Variants in ARFGEF3 observed in about 807,000 individuals in gnomAD.
ARFGEF3 encodes the protein brefeldin A-inhibited guanine nucleotide-exchange protein 3.
Under a neutral mutation model 221.7 loss-of-function variants are expected in ARFGEF3, and 96 were observed. That is an observed-to-expected ratio of 0.43 (90% CI 0.37 to 0.51). The LOEUF is 0.51. Among genes scored for constraint, ARFGEF3 ranks in the 20% least tolerant of loss-of-function variants. ARFGEF3 has a pLI of 0.00. For missense variants in ARFGEF3, 2,410 were observed against 2,789.9 expected, an observed-to-expected ratio of 0.86 and a Z score of 3.07; for synonymous variants, 1,145 against 1,126.8, an observed-to-expected ratio of 1.02 and a Z score of -0.32.
intron 12 of ARFGEF3, among the ~76,000 whole-genome samples, chr6:138,265,703 G>A (rs17067320): frequency 0.057 from 8,685 of 152,074 alleles, 826 homozygotes; most frequent in African/African-American, 0.19. Flanking sequence ...TAGAGAAGCC[G>A]AATTGTGCTA....
chr6:138,320,695 C>T (rs1024935491), intron 28 of ARFGEF3, among the ~76,000 whole-genome samples: 8 of 152,126 alleles, frequency 5.3e-5, no homozygotes, highest in Non-Finnish European at 8.8e-5. Context: ...ACAATTTACC[C>T]TGCCAAAAAA....
intron 4 of ARFGEF3, among the ~76,000 whole-genome samples, chr6:138,212,319 G>A (rs947742059): frequency 1.3e-5 from 2 of 152,216 alleles, no homozygotes; most frequent in Non-Finnish European, 2.9e-5. Flanking sequence ...CTTGAGCCCA[G>A]AAGTTTGAGA....
rs1052450623 is a variant in ARFGEF3 at position 138,342,426 on chromosome 6, A to G, written c.*5940A>G. 6.6e-6 allele frequency: 1 copy of G among 152,220 alleles called. No individual in the cohort carries two copies. The highest frequency in any genetic ancestry group is 1.5e-5 in the Non-Finnish European group (1 of 68,028). 9.4% of individuals were successfully genotyped at this position (152,220 alleles called of 1,614,324 possible). On this transcript the variant is annotated 3_prime_UTR_variant, in exon 34 of 34. Coordinates refer to ENST00000251691, the MANE Select transcript of ARFGEF3 (RefSeq NM_020340.5). Reference sequence around the variant, plus strand: ...GACTTGGGATTGGATTCTATACAGCAGTCTTGCTCAATCTTCCCAGTTTCC... The same window carrying G: ...GACTTGGGATTGGATTCTATACAGCGGTCTTGCTCAATCTTCCCAGTTTCC...
At chr6:138,229,919 G>A (rs1190931051) in intron 5 of ARFGEF3, 67 bp downstream of exon 5, 14 of 1,326,814 alleles carry the variant, frequency 1.1e-5, no homozygotes, top group East Asian at 2.3e-5. Flanking sequence ...ATAAATATTG[G>A]GGTGGAACTA....
Position 138,328,111 on chromosome 6 carries a change from G to A in ARFGEF3, c.5092G>A (p.Asp1698Asn), listed in dbSNP as rs1203415555. ...SCQLIIELPP[D>N]EKPNGHTKKS... ...CCAGCTCATTATTGAGCTGCCTCCTGATGAAAAACCAAATGGACACACCAA... is the reference window on the plus strand; with the variant it reads ...CCAGCTCATTATTGAGCTGCCTCCTAATGAAAAACCAAATGGACACACCAA... The change falls in exon 32 of 34, where the codon GAT becomes AAT. Residue 1698 changes from aspartate to asparagine, a missense_variant. This residue lies in a region of ARFGEF3 where 723 missense variants were observed against 991.9 expected (regional missense o/e 0.73). Coordinates refer to ENST00000251691, the MANE Select transcript of ARFGEF3 (RefSeq NM_020340.5). 6.3e-7 allele frequency: 1 copy of A among 1,589,676 alleles called. No homozygotes were observed. The highest frequency in any genetic ancestry group is 8.6e-7 in the Non-Finnish European group (1 of 1,167,040).
At chr6:138,230,648 TGTG>T (rs1778175076) in intron 5 of ARFGEF3, among the ~76,000 whole-genome samples, 1 of 152,218 alleles carries the variant, frequency 6.6e-6, no homozygotes, top group South Asian at 2.1e-4. Flanking sequence ...TATGGTATCA[TGTG>T]GTATTAAACA....
chr6:138,271,129 A>G (rs1382089648), intron 12 of ARFGEF3, among the ~76,000 whole-genome samples: 3 of 152,200 alleles, frequency 2.0e-5, no homozygotes, highest in Non-Finnish European at 2.9e-5. Flanking sequence ...AGAAGCAGGA[A>G]TGGAGAATAA....
In ARFGEF3 at chr6:138,262,963, G is replaced by A. The variant is rs183989941; in HGVS notation, c.1480G>A (p.Glu494Lys). ...RVLSSEHTPW[E>K]SGNERSLDIS... is the part of the protein sequence containing the mutation. ...GCTGTCCTCAGAACACACGCCGTGGGAGTCAGGGAACGAGAGGAGCCTTGA... is the reference window on the plus strand; with the variant it reads ...GCTGTCCTCAGAACACACGCCGTGGAAGTCAGGGAACGAGAGGAGCCTTGA... Residue 494 changes from glutamate (E) to lysine (K), a missense_variant, in exon 12 of 34, where the codon GAG (glutamate) becomes AAG (lysine). By Grantham distance (56) the Glu-to-Lys change is moderately conservative (BLOSUM62 1). Transcript: ENST00000251691. 5.0e-6 allele frequency: 8 copies of A among 1,600,218 alleles called. No individual in the cohort carries two copies. The East Asian group carries it at 1.6e-4, about 32-fold the overall frequency.
chr6:138,301,255 A>C (rs1263266080), intron 22 of ARFGEF3, among the ~76,000 whole-genome samples: 5 of 152,234 alleles, frequency 3.3e-5, no homozygotes, highest in Admixed American at 3.3e-4. Context: ...AAATTGACCA[A>C]AAGCAGACAA....
intron 12 of ARFGEF3, among the ~76,000 whole-genome samples, chr6:138,264,359 T>G (rs140755077): frequency 7.8e-4 from 119 of 152,178 alleles, no homozygotes; most frequent in Non-Finnish European, 1.6e-3. Context: ...CAGAAAGAAA[T>G]AAATTAATGG....
chr6:138,219,204 C>T (rs1283607047), intron 4 of ARFGEF3, among the ~76,000 whole-genome samples: 1 of 151,974 alleles, frequency 6.6e-6, no homozygotes, highest in Non-Finnish European at 1.5e-5. Flanking sequence ...TTGAGTTGGA[C>T]TTTGAAAGGT....
chr6:138,311,577 C>A, intron 25 of ARFGEF3, 67 bp downstream of exon 25: 2 of 1,071,406 alleles, frequency 1.9e-6, no homozygotes, highest in Non-Finnish European at 2.8e-6. Flanking sequence ...CCAAAACATG[C>A]GTGGGGGGTC....
chr6:138,290,688 C>G (rs971679283), intron 18 of ARFGEF3, among the ~76,000 whole-genome samples: 2 of 152,190 alleles, frequency 1.3e-5, no homozygotes, highest in African/African-American at 4.8e-5. Context: ...AGGGCGGGGG[C>G]TGGCCACACT....
intron 22 of ARFGEF3, among the ~76,000 whole-genome samples, chr6:138,305,581 C>T (rs1176080170): frequency 2.0e-5 from 3 of 149,366 alleles, no homozygotes; most frequent in Non-Finnish European, 3.0e-5. Flanking sequence ...CCACTACATT[C>T]CAGCCTGGAC....
At chr6:138,225,962 G>C (rs534971890) in intron 4 of ARFGEF3, among the ~76,000 whole-genome samples, 4 of 152,258 alleles carry the variant, frequency 2.6e-5, no homozygotes, top group African/African-American at 7.2e-5. Flanking sequence ...ATCCTTGGGA[G>C]GTGGGATGGG....
chr6:138,258,708 A>G (rs1444317688), intron 10 of ARFGEF3, among the ~76,000 whole-genome samples: 4 of 152,378 alleles, frequency 2.6e-5, no homozygotes, highest in East Asian at 1.9e-4. Flanking sequence ...ATTTAACACT[A>G]TAATGCTTGA....
rs1776629960 is a variant in ARFGEF3, at chr6:138,162,229, C to T, written c.85+58C>T. ...AGGGCCGCGCGGCCGGGGCTGAACC[C>T]GCGCCTCCGCGCGTGGGGCTTTCGC... On this transcript the variant is annotated intron_variant, in intron 1 of 33. Coordinates refer to ENST00000251691, the MANE Select transcript of ARFGEF3 (RefSeq NM_020340.5). The surrounding 1 kb of genome is among the most constrained non-coding windows in gnomAD (Gnocchi z 4.7). 1.5e-6 allele frequency: 2 copies of T among 1,295,114 alleles called. No homozygotes were observed. Among genetic ancestry groups the T allele is most frequent in the Non-Finnish European group, 2.1e-6 (2 of 931,316 alleles). 80.2% of individuals were successfully genotyped at this position (1,295,114 alleles called of 1,614,324 possible).
intron 5 of ARFGEF3, among the ~76,000 whole-genome samples, chr6:138,236,127 G>T (rs997330978): frequency 3.9e-5 from 6 of 152,192 alleles, no homozygotes; most frequent in Admixed American, 2.6e-4. Context: ...TAAAGTGAAT[G>T]ATGTAATTTT....
rs975514808 is a variant in ARFGEF3 at position 138,291,609 on chromosome 6, G to A, written c.3048-124G>A. On this transcript the variant is annotated intron_variant, in intron 18 of 33. Transcript: ENST00000251691. This position sits in a 1 kb window ranked among gnomAD's most constrained non-coding sequence, Gnocchi z 4.5. ...GAGGGAAGGACTGACTGTCATCACA[G>A]GAAAGAGGAAAGCTGGGGAGCTTGC... is the stretch of plus-strand genomic sequence containing the variant. 12 of 546,636 alleles carry A rather than the reference G, an allele frequency of 2.2e-5. No individual in the cohort carries two copies. The highest frequency in any genetic ancestry group is 3.5e-5 in the Non-Finnish European group (12 of 346,374). 33.9% of individuals were successfully genotyped at this position (546,636 alleles called of 1,614,324 possible).
Sources: gnomAD v4.1 joint callset for allele counts (sites outside exome capture counted in the v4.1 genomes callset) on GRCh38, gnomAD v4.1.1 for gene constraint, gnomAD v4.1.1 regional missense constraint, Gnocchi (gnomAD v3.1) non-coding constraint, MANE v1.5 for transcripts, NCBI Gene and HGNC (gene_info 2026-07-23, HGNC 2026-07-21) for gene names.